The following ZBTB17 variants were observed in gnomAD, a reference collection of about 807,000 sequenced individuals.
ZBTB17 encodes the protein zinc finger and BTB domain-containing protein 17.
ZBTB17 carries 24 observed loss-of-function variants against 85.1 expected under a neutral mutation model. The observed-to-expected ratio is 0.28, with a 90% CI of 0.20 to 0.40. The LOEUF (loss-of-function observed/expected upper bound fraction) is 0.40, where lower values mean the gene tolerates loss of function less well. Ranked by LOEUF, ZBTB17 falls within the 10% of genes least tolerant of loss-of-function variation. The probability of loss-of-function intolerance (pLI) is 1.00; values close to 1 mark genes in which losing one functional copy is unlikely to be tolerated. For synonymous variants in ZBTB17, 464 were observed against 460.2 expected (o/e 1.01, Z -0.11); for missense variants, 743 against 1,105.1 (o/e 0.67, Z 4.65).
chr1:15,959,207 G>T (rs1424610695), intron 2 of ZBTB17, among the ~76,000 whole-genome samples: 3 of 152,104 alleles, frequency 2.0e-5, no homozygotes. Flanking sequence ...TTTAGTACCT[G>T]ACCCTTCCCA....
At chr1:15,942,913 G>T in intron 13 of ZBTB17, 151 bp downstream of exon 13, 1 of 1,357,742 alleles carries the variant, frequency 7.4e-7, no homozygotes, top group Non-Finnish European at 1.0e-6. Flanking sequence ...TAGGAAAATG[G>T]GGTCCTCATT....
intron 2 of ZBTB17, among the ~76,000 whole-genome samples, chr1:15,963,023 G>C (rs2072315833): frequency 6.6e-6 from 1 of 152,192 alleles, no homozygotes; most frequent in African/African-American, 2.4e-5. Context: ...AACACTGTGG[G>C]AGGCCAAGGC....
intron 2 of ZBTB17, among the ~76,000 whole-genome samples, chr1:15,957,049 G>A (rs1476889523): frequency 6.6e-6 from 1 of 151,944 alleles, no homozygotes; most frequent in Non-Finnish European, 1.5e-5. Context: ...GCATGGTGGT[G>A]GGTGCCTGTA....
chr1:15,974,294 C>T (rs1056028078), intron 1 of ZBTB17, among the ~76,000 whole-genome samples: 1 of 150,518 alleles, frequency 6.6e-6, no homozygotes, highest in African/African-American at 2.4e-5. Context: ...GCTGGGACCA[C>T]CAGAGGTGTA....
intron 2 of ZBTB17, among the ~76,000 whole-genome samples, chr1:15,958,379 G>A (rs1336481777): frequency 6.7e-6 from 1 of 149,320 alleles, no homozygotes; most frequent in South Asian, 2.1e-4. Context: ...GGCGGCTGAC[G>A]GAAGCTAACA....
chr1:15,970,009 A>C, intron 2 of ZBTB17: 1 of 803,190 alleles, frequency 1.2e-6, no homozygotes, highest in Non-Finnish European at 2.0e-6. Flanking sequence ...GATGGATAGC[A>C]TTCACTGGGA....
chr1:15,946,366 G>A (rs772518680), intron 4 of ZBTB17, 72 bp from the exon 5 acceptor site: 1 of 1,567,696 alleles, frequency 6.4e-7, no homozygotes, highest in Non-Finnish European at 8.7e-7. Context: ...AGGTGGCCCA[G>A]AACTTGCTAG....
At chr1:15,975,598 GAGCTGCC>G (rs2072842445) in intron 1 of ZBTB17, among the ~76,000 whole-genome samples, 2 of 151,738 alleles carry the variant, frequency 1.3e-5, no homozygotes, top group East Asian at 3.9e-4. Context: ...CGGCCGACAG[GAGCTGCC>G]CCGGCACTGC....
chr1:15,961,721 C>A (rs537145138), intron 2 of ZBTB17, among the ~76,000 whole-genome samples: 3 of 152,196 alleles, frequency 2.0e-5, no homozygotes, highest in Non-Finnish European at 4.4e-5. Flanking sequence ...CCGCCAGCCG[C>A]TTTGAAGTGC....
intron 2 of ZBTB17, among the ~76,000 whole-genome samples, chr1:15,962,199 C>A (rs1407872935): frequency 6.6e-6 from 1 of 151,884 alleles, no homozygotes; most frequent in African/African-American, 2.4e-5. Context: ...CAGTGCGAGA[C>A]CTTATCTTGA....
chr1:15,975,279 T>G (rs1389363790), intron 1 of ZBTB17, among the ~76,000 whole-genome samples: 1 of 152,206 alleles, frequency 6.6e-6, no homozygotes, highest in East Asian at 1.9e-4. Context: ...GATTTTATTA[T>G]CATCTCTGCT....
intron 3 of ZBTB17, 39 bp downstream of exon 3, chr1:15,948,252 T>C (rs375125900): frequency 5.0e-6 from 8 of 1,611,736 alleles, no homozygotes; most frequent in Non-Finnish European, 6.8e-6. Context: ...CCATAGCTTC[T>C]GGCTATCAGC....
intron 1 of ZBTB17, among the ~76,000 whole-genome samples, chr1:15,974,669 C>T (rs2072796877): frequency 6.6e-6 from 1 of 151,884 alleles, no homozygotes; most frequent in Non-Finnish European, 1.5e-5. Flanking sequence ...CCGCCTCCTG[C>T]GTTCGAGCGA....
chr1:15,970,945 G>A (rs1315393361), intron 2 of ZBTB17, among the ~76,000 whole-genome samples: 1 of 152,170 alleles, frequency 6.6e-6, no homozygotes, highest in East Asian at 1.9e-4. Context: ...ACCTAGAGAA[G>A]GAGAATGCTT....
Position 15,976,059 on chromosome 1 carries a change from G to A in ZBTB17, c.-166C>T, listed in dbSNP as rs1372170194. On this transcript the variant is annotated 5_prime_UTR_variant, in exon 1 of 16. Coordinates refer to ENST00000375743, the MANE Select transcript of ZBTB17 (RefSeq NM_003443.3). ...AGGCCGGGGACGGCACTCCAGAGCA[G>A]ACAAAGGGCGCCGCCATGTTAGAGT... The A allele has an allele frequency of 2.9e-6, 2 of 690,986 alleles. No individual in the cohort carries two copies. The highest frequency in any genetic ancestry group is 5.3e-6 in the Non-Finnish European group (2 of 379,720). The allele number at this position is 690,986 out of a possible 1,614,324, so 42.8% of individuals were successfully genotyped here.
Position 15,964,339 on chromosome 1 carries a change from T to C in ZBTB17, c.-3+8700A>G, listed in dbSNP as rs956104650. Among the ~76,000 whole-genome samples the C allele has an allele frequency of 7.2e-5, 11 of 152,250 alleles. No homozygotes were observed. The highest frequency in any genetic ancestry group is 2.7e-4 in the African/African-American group (11 of 41,464). On this transcript the variant is annotated intron_variant, in intron 2 of 15. Transcript: ENST00000375743. This position sits in a 1 kb window ranked among gnomAD's most constrained non-coding sequence, Gnocchi z 4.3. Reference sequence around the variant, plus strand: ...CTCAACATCATAAAAATGTCAGCTCTACCCAAATTTATATATTATAAACTC... The same window carrying C: ...CTCAACATCATAAAAATGTCAGCTCCACCCAAATTTATATATTATAAACTC...
In ZBTB17 at chr1:15,970,403, T is replaced by C. The variant is rs1166151317; in HGVS notation, c.-3+2636A>G. ...AAAAAAAGGAAGAGCCTTTTTGTTT[T>C]ATTTTTGAGACAGAGTCTCACTCTG... On this transcript the variant is annotated intron_variant, in intron 2 of 15. Coordinates refer to ENST00000375743, the MANE Select transcript of ZBTB17 (RefSeq NM_003443.3). Among the ~76,000 whole-genome samples, 7 of 151,980 alleles carry C rather than the reference T, an allele frequency of 4.6e-5. No individual in the cohort carries two copies. The South Asian group carries it at 1.0e-3, about 23-fold the overall frequency.
In ZBTB17 at chr1:15,944,788, T is replaced by C; in HGVS notation, c.979A>G (p.Ile327Val). ...HTGNFKRHIR[I>V]HTGEKPFSCR... ...GAGAAGGGCTTCTCCCCCGTGTGGATGCGGATGTGCCGCTTGAAGTTCCCC... is the reference window on the plus strand; with the variant it reads ...GAGAAGGGCTTCTCCCCCGTGTGGACGCGGATGTGCCGCTTGAAGTTCCCC... The change falls in exon 8 of 16, where the codon ATC becomes GTC. Residue 327 changes from isoleucine to valine, a missense_variant. Coordinates refer to ENST00000375743, the MANE Select transcript of ZBTB17 (RefSeq NM_003443.3). 1 of 1,612,262 alleles carries C rather than the reference T, an allele frequency of 6.2e-7. No homozygotes were observed. The highest frequency in any genetic ancestry group is 8.5e-7 in the Non-Finnish European group (1 of 1,179,458).
Position 15,945,835 on chromosome 1 carries a change from C to T in ZBTB17, c.541G>A (p.Glu181Lys). 6.3e-7 allele frequency: 1 copy of T among 1,595,714 alleles called. No individual in the cohort carries two copies. Among genetic ancestry groups the T allele is most frequent in the Non-Finnish European group, 8.5e-7 (1 of 1,175,194 alleles). ...GQAQSAASGA[E>K]QTEKADAPRE... ...GGCGCATCGGCTTTCTCTGTCTGCT[C>T]TGCACCTGGGTGGGGGAAGCACCGG... is the stretch of plus-strand genomic sequence containing the variant. Residue 181 changes from glutamate to lysine, a missense_variant, in exon 6 of 16, where the codon GAG becomes AAG. By Grantham distance (56) the Glu-to-Lys change is moderately conservative. Coordinates refer to ENST00000375743, the MANE Select transcript of ZBTB17 (RefSeq NM_003443.3).
Sources: gnomAD v4.1 joint callset for allele counts (sites outside exome capture counted in the v4.1 genomes callset) on GRCh38, gnomAD v4.1.1 for gene constraint, Gnocchi (gnomAD v3.1) non-coding constraint, MANE v1.5 for transcripts, NCBI Gene and HGNC (gene_info 2026-07-23, HGNC 2026-07-21) for gene names.